ZNF679: variants seen among roughly 807,000 people sequenced by gnomAD.
ZNF679 encodes hypothetical protein MGC42415.
ZNF679 carries 10 observed loss-of-function variants against 13.4 expected under a neutral mutation model. The observed-to-expected ratio is 0.75, with a 90% CI of 0.46 to 1.27. The LOEUF is 1.27. ZNF679 is among the 50% of genes most tolerant of loss of function. The pLI, the probability that ZNF679 is intolerant of heterozygous loss-of-function variation, is 0.00. For missense variants in ZNF679, 525 were observed against 477.8 expected (o/e 1.10, Z -0.92); for synonymous variants, 179 against 162.5 (o/e 1.10, Z -0.77).
intron 1 of ZNF679, among the ~76,000 whole-genome samples, chr7:64,243,310 G>A (rs1317148050): frequency 6.6e-6 from 1 of 152,146 alleles, no homozygotes; most frequent in Non-Finnish European, 1.5e-5. Context: ...CAGAGACTAG[G>A]AGGGAGAGTC....
In ZNF679 at chr7:64,260,432, G is replaced by A. The variant is rs951983452; in HGVS notation, c.166+85G>A. 5.2e-6 allele frequency: 8 copies of A among 1,534,876 alleles called. No individual in the cohort carries two copies. The African/African-American group carries it at 8.4e-5, about 16-fold the overall frequency. On this transcript the variant is annotated intron_variant, in intron 3 of 4. Coordinates refer to ENST00000421025, the MANE Select transcript of ZNF679 (RefSeq NM_153363.3). Reference sequence around the variant, plus strand: ...TTTTTTGGTAATTTCTGCTTTGCATGAGTGAATTTTAGCTCTCTGATTTGA... The same window carrying A: ...TTTTTTGGTAATTTCTGCTTTGCATAAGTGAATTTTAGCTCTCTGATTTGA...
chr7:64,245,413 G>C (rs1256631049), intron 1 of ZNF679, among the ~76,000 whole-genome samples: 1 of 83,904 alleles, frequency 1.2e-5, no homozygotes, highest in African/African-American at 4.7e-5. Flanking sequence ...AGGAAAGGGA[G>C]AGAGAGAAAG....
At chr7:64,238,368 T>C (rs1037110765) in intron 1 of ZNF679, among the ~76,000 whole-genome samples, 1 of 152,148 alleles carries the variant, frequency 6.6e-6, no homozygotes, top group Non-Finnish European at 1.5e-5. Flanking sequence ...GTAGCTATTA[T>C]GTTTGGTGCT....
Position 64,265,778 on chromosome 7 carries a change from TGG to T in ZNF679, c.263-117_263-116del, listed in dbSNP as rs1231682951. 3.0e-5 allele frequency: 34 copies of T among 1,119,744 alleles called. No homozygotes were observed. The Admixed American group carries it at 9.7e-4, about 32-fold the overall frequency. 69.4% of individuals were successfully genotyped at this position (1,119,744 alleles called of 1,614,324 possible). A position where few individuals can be genotyped will look rare whatever the true frequency, so the allele number is the denominator to read the frequency against. On this transcript the variant is annotated intron_variant, in intron 4 of 4. Coordinates refer to ENST00000421025, the MANE Select transcript of ZNF679 (RefSeq NM_153363.3). ...ACACCTATGAAGGAATTATGGCCTG[TGG>T]TAATTTGATATGCCATTTTGCTAAA...
chr7:64,244,564 C>CA (rs35164279), intron 1 of ZNF679, among the ~76,000 whole-genome samples: 2 of 152,128 alleles, frequency 1.3e-5, no homozygotes, highest in East Asian at 3.9e-4. Flanking sequence ...AAAGTATTTT[C>CA]AAAAAGATGG....
intron 1 of ZNF679, among the ~76,000 whole-genome samples, chr7:64,246,448 G>A (rs1269144432): frequency 1.3e-5 from 2 of 152,152 alleles, no homozygotes; most frequent in African/African-American, 2.4e-5. Context: ...GCAGAGCTGG[G>A]GGTGGTGGCT....
At chr7:64,228,965 G>C (rs1004929797) in intron 1 of ZNF679, among the ~76,000 whole-genome samples, 10 of 152,124 alleles carry the variant, frequency 6.6e-5, no homozygotes, top group African/African-American at 2.4e-4. Flanking sequence ...CTATGTTTTT[G>C]GCTCTGTTAT....
In ZNF679 at chr7:64,249,069, T is replaced by C. The variant is rs760403459; in HGVS notation, c.-49T>C. ...TTCACTGCTCTGCGTCCTCTGTTCC[T>C]AGAGGCCAAGCCACTGTGGCCTTGT... On this transcript the variant is annotated 5_prime_UTR_variant, in exon 2 of 5. Transcript: ENST00000421025. 4 of 1,613,328 alleles carry C rather than the reference T, an allele frequency of 2.5e-6. No individual in the cohort carries two copies. The highest frequency in any genetic ancestry group is 2.2e-5 in the East Asian group (1 of 44,808).
intron 1 of ZNF679, among the ~76,000 whole-genome samples, chr7:64,247,405 G>T (rs777749739): frequency 6.6e-6 from 1 of 152,122 alleles, no homozygotes; most frequent in African/African-American, 2.4e-5. Context: ...ACTGCAATAT[G>T]CTAGAAAGGT....
intron 1 of ZNF679, among the ~76,000 whole-genome samples, chr7:64,239,906 C>T (rs1374400202): frequency 6.6e-6 from 1 of 152,136 alleles, no homozygotes; most frequent in Non-Finnish European, 1.5e-5. Context: ...ATTGCTGGGC[C>T]CAGTACTGGG....
rs1488733579 is a variant in ZNF679 at position 64,266,146 on chromosome 7, C to T, written c.513C>T (p.Ser171=). Residue 171 remains serine (S), a synonymous_variant, in exon 5 of 5, where the codon TCC becomes TCT. Coordinates refer to ENST00000421025, the MANE Select transcript of ZNF679 (RefSeq NM_153363.3). ...CVKVFGKFSN[S]NRHKTRHTGK... ...AAGTCTTCGGCAAATTTTCAAATTC[C>T]AATAGACATAAGACAAGACATACTG... is the stretch of plus-strand genomic sequence containing the variant. The T allele has an allele frequency of 6.2e-7, 1 of 1,605,346 alleles. No homozygotes were observed. The highest frequency in any genetic ancestry group is 8.5e-7 in the Non-Finnish European group (1 of 1,174,830).
intron 4 of ZNF679, among the ~76,000 whole-genome samples, 184 bp downstream of exon 4, chr7:64,261,113 T>C (rs1169789020): frequency 6.6e-6 from 1 of 152,192 alleles, no homozygotes; most frequent in Non-Finnish European, 1.5e-5. Flanking sequence ...TTTTAAATTC[T>C]CTAAGGATTC....
At chr7:64,238,545 G>T (rs1411863282) in intron 1 of ZNF679, among the ~76,000 whole-genome samples, 1 of 151,968 alleles carries the variant, frequency 6.6e-6, no homozygotes, top group Non-Finnish European at 1.5e-5. Context: ...CCACCACCAC[G>T]CCTAGCTAAT....
chr7:64,255,421 C>G (rs1017649224), intron 2 of ZNF679, among the ~76,000 whole-genome samples: 5 of 152,134 alleles, frequency 3.3e-5, no homozygotes, highest in Admixed American at 3.3e-4. Flanking sequence ...GGCATATCCC[C>G]AACCCCAGAC....
chr7:64,235,401 T>C (rs1025945522), intron 1 of ZNF679, among the ~76,000 whole-genome samples: 2 of 150,404 alleles, frequency 1.3e-5, no homozygotes, highest in South Asian at 2.1e-4. Flanking sequence ...TATTGCTATA[T>C]TAAGAAAAAG....
chr7:64,229,347 G>A (rs940643463), intron 1 of ZNF679, among the ~76,000 whole-genome samples: 3 of 152,164 alleles, frequency 2.0e-5, no homozygotes, highest in Admixed American at 6.5e-5. Flanking sequence ...AAGCGTAACA[G>A]TGAGACAACG....
chr7:64,253,005 A>G (rs1273667099), intron 2 of ZNF679, among the ~76,000 whole-genome samples: 1 of 152,248 alleles, frequency 6.6e-6, no homozygotes, highest in East Asian at 1.9e-4. Flanking sequence ...GGCAAGAGCC[A>G]CTGCTCCTGG....
chr7:64,266,542 A>T lies in ZNF679; in HGVS notation c.909A>T (p.Lys303Asn). The T allele has an allele frequency of 2.5e-6, 4 of 1,612,566 alleles. No homozygotes were observed. Among genetic ancestry groups the T allele is most frequent in the Non-Finnish European group, 3.4e-6 (4 of 1,178,786 alleles). Residue 303 changes from lysine to asparagine, a missense_variant, in exon 5 of 5, where the codon AAA becomes AAT. Transcript: ENST00000421025. ...EKPYTCEECG[K>N]AFSLSSSLTY... The stretch of plus-strand genomic sequence containing the variant: ...CATACACATGTGAAGAATGTGGCAA[A>T]GCCTTTAGCTTATCCTCATCCCTCA...
Position 64,266,301 on chromosome 7 carries a change from G to T in ZNF679, c.668G>T (p.Cys223Phe), listed in dbSNP as rs1562643534. 2 of 1,607,946 alleles carry T rather than the reference G, an allele frequency of 1.2e-6. No individual in the cohort carries two copies. Among genetic ancestry groups the T allele is most frequent in the Non-Finnish European group, 8.5e-7 (1 of 1,176,926 alleles). The change falls in exon 5 of 5, where the codon TGC becomes TTC. Residue 223 changes from cysteine to phenylalanine, a missense_variant. Cys to Phe is a radical substitution (Grantham distance 205). Coordinates refer to ENST00000421025, the MANE Select transcript of ZNF679 (RefSeq NM_153363.3). ...QCEECGKPFN[C>F]SSTLSKHKRI... ...GAAGAATGCGGCAAACCCTTCAACT[G>T]CTCTTCAACCCTTTCTAAACATAAA...
Sources: allele counts gnomAD v4.1 joint callset (sites outside exome capture counted in the v4.1 genomes callset), GRCh38; gene constraint gnomAD v4.1.1; transcripts MANE v1.5; gene names NCBI Gene and HGNC (gene_info 2026-07-23, HGNC 2026-07-21).